The following PLXDC1 variants were observed in gnomAD, a reference collection of about 807,000 sequenced individuals.
PLXDC1 encodes plexin domain containing 1.
A neutral mutation model predicts 61.3 loss-of-function variants in PLXDC1; 39 were observed. The ratio of observed to expected loss-of-function variants is 0.64; its 90% CI spans 0.49 to 0.83. The LOEUF (loss-of-function observed/expected upper bound fraction) is 0.83, where lower values mean the gene tolerates loss of function less well. Ranked by LOEUF, PLXDC1 falls within the 40% of genes least tolerant of loss-of-function variation. PLXDC1 has a pLI of 0.00. For missense variants in PLXDC1, 596 were observed against 666.5 expected, an observed-to-expected ratio of 0.89 and a Z score of 1.17; for synonymous variants, 212 against 254.5, an observed-to-expected ratio of 0.83 and a Z score of 1.59.
At chr17:39,142,920 C>T (rs1911981601) in intron 1 of PLXDC1, among the ~76,000 whole-genome samples, 1 of 151,898 alleles carries the variant, frequency 6.6e-6, no homozygotes, top group South Asian at 2.1e-4. Context: ...GGTGGATCAC[C>T]TGAGGTCAGG....
At chr17:39,106,648 C>CTTTTTTTTTTTTTTTTTTTT (rs199666120) in intron 6 of PLXDC1, among the ~76,000 whole-genome samples, 3 of 122,584 alleles carry the variant, frequency 2.4e-5, no homozygotes, top group Non-Finnish European at 3.3e-5. Context: ...TTTTCTTTTT[C>CTTTTTTTTTTTTTTTTTTTT]TTTCTTTTTT....
intron 7 of PLXDC1, among the ~76,000 whole-genome samples, chr17:39,091,958 CAAAA>C (rs71141756): frequency 0.029 from 3,014 of 105,328 alleles, 56 homozygotes; most frequent in East Asian, 0.13. Flanking sequence ...GACTCTATCT[CAAAA>C]AAAAAAAAAA....
intron 2 of PLXDC1, among the ~76,000 whole-genome samples, chr17:39,128,978 C>G (rs1319426419): frequency 6.7e-6 from 1 of 149,550 alleles, no homozygotes; most frequent in Non-Finnish European, 1.5e-5. Context: ...CCACTGCACT[C>G]CAGTCTAGGC....
At chr17:39,097,792 C>T (rs763945971) in intron 7 of PLXDC1, among the ~76,000 whole-genome samples, 4 of 151,426 alleles carry the variant, frequency 2.6e-5, no homozygotes, top group East Asian at 1.9e-4. Context: ...GTCTCAGCTA[C>T]TCAGGAGGCT....
intron 2 of PLXDC1, among the ~76,000 whole-genome samples, chr17:39,128,107 A>ATT (rs1911386904): frequency 9.9e-6 from 1 of 100,632 alleles, no homozygotes; most frequent in Non-Finnish European, 1.9e-5. Context: ...GTATATATAT[A>ATT]TATATATGTA....
At chr17:39,125,013 C>T (rs1208705656) in intron 2 of PLXDC1, among the ~76,000 whole-genome samples, 2 of 152,172 alleles carry the variant, frequency 1.3e-5, no homozygotes, top group Non-Finnish European at 2.9e-5. Flanking sequence ...GCCAGGGTCT[C>T]ACCCTATCAG....
intron 8 of PLXDC1, among the ~76,000 whole-genome samples, chr17:39,084,534 T>G (rs145084949): frequency 7.2e-5 from 11 of 152,320 alleles, no homozygotes; most frequent in African/African-American, 2.6e-4. Flanking sequence ...ACTCCTGATG[T>G]TCGGTCCATG....
intron 9 of PLXDC1, chr17:39,080,534 G>A (rs1386263709): frequency 6.6e-6 from 1 of 152,258 alleles, no homozygotes; most frequent in African/African-American, 2.4e-5. Context: ...GTGGAGGGGA[G>A]GGGAGCAGAG....
intron 1 of PLXDC1, among the ~76,000 whole-genome samples, chr17:39,145,580 C>T (rs988932234): frequency 5.3e-5 from 8 of 152,164 alleles, no homozygotes; most frequent in Admixed American, 2.0e-4. Context: ...TCCAGCTCAC[C>T]TGTCCCTGGC....
intron 9 of PLXDC1, among the ~76,000 whole-genome samples, chr17:39,081,774 C>T (rs1909570894): frequency 6.6e-6 from 1 of 152,148 alleles, no homozygotes; most frequent in Non-Finnish European, 1.5e-5. Context: ...GAGACCCCAT[C>T]TCTACAAAAT....
At chr17:39,150,676 C>T (rs779554289) in intron 1 of PLXDC1, among the ~76,000 whole-genome samples, 3 of 152,148 alleles carry the variant, frequency 2.0e-5, no homozygotes, top group Non-Finnish European at 4.4e-5. Context: ...CCCTCCACCC[C>T]CTACCCCAGT....
At chr17:39,069,243 C>G (rs1238887803) in intron 13 of PLXDC1, among the ~76,000 whole-genome samples, 1 of 152,056 alleles carries the variant, frequency 6.6e-6, no homozygotes, top group Non-Finnish European at 1.5e-5. Context: ...GCGGCTGGGA[C>G]CACAGGTACG....
intron 2 of PLXDC1, among the ~76,000 whole-genome samples, chr17:39,121,835 G>A (rs954899690): frequency 6.6e-6 from 1 of 152,158 alleles, no homozygotes; most frequent in African/African-American, 2.4e-5. Flanking sequence ...GGGTGACCGG[G>A]TCCGGAGGCT....
In PLXDC1 at chr17:39,128,171, A is replaced by ATGTG. The variant is rs1292939496; in HGVS notation, c.255+11482_255+11483insCACA. On this transcript the variant is annotated intron_variant, in intron 2 of 13. Coordinates refer to ENST00000315392, the MANE Select transcript of PLXDC1 (RefSeq NM_020405.5). ...TATGTGTGTATATATATGTATATATATGTATATATATATGTGTGTATATAT... is the reference window on the plus strand; with the variant it reads ...TATGTGTGTATATATATGTATATATATGTGTGTATATATATATGTGTGTATATAT... Among the ~76,000 whole-genome samples, 116 of 118,328 alleles carry ATGTG rather than the reference A, an allele frequency of 9.8e-4. 3 individuals carry two copies. Among genetic ancestry groups the ATGTG allele is most frequent in the African/African-American group, 2.9e-3 (94 of 32,912 alleles). The allele number at this position is 118,328 out of a possible 152,430, so 77.6% of individuals were successfully genotyped here.
At chr17:39,120,312 C>T (rs904381755) in intron 2 of PLXDC1, among the ~76,000 whole-genome samples, 3 of 152,056 alleles carry the variant, frequency 2.0e-5, no homozygotes, top group Non-Finnish European at 4.4e-5. Context: ...CCACCACGCC[C>T]GGCTAAATTT....
intron 2 of PLXDC1, among the ~76,000 whole-genome samples, chr17:39,131,359 CT>C (rs940382187): frequency 2.0e-4 from 21 of 103,950 alleles, no homozygotes; most frequent in African/African-American, 8.0e-4. Context: ...TTTTTCTTTT[CT>C]TTTTTTTTTA....
chr17:39,090,683 A>G (rs1909913949), intron 7 of PLXDC1, among the ~76,000 whole-genome samples: 1 of 152,168 alleles, frequency 6.6e-6, no homozygotes, highest in Non-Finnish European at 1.5e-5. Context: ...GGACCCCAGG[A>G]GCCCTCGAAG....
chr17:39,109,730 A>T (rs1229455609), intron 2 of PLXDC1, among the ~76,000 whole-genome samples: 1 of 152,178 alleles, frequency 6.6e-6, no homozygotes, highest in African/African-American at 2.4e-5. Context: ...TGAGCTTGGC[A>T]TGGGGCATAA....
chr17:39,100,244 C>T (rs1910374085), intron 7 of PLXDC1, among the ~76,000 whole-genome samples: 1 of 151,834 alleles, frequency 6.6e-6, no homozygotes, highest in African/African-American at 2.4e-5. Context: ...CACTTTTTTT[C>T]TTTTTTTTGA....
Sources: allele counts gnomAD v4.1 joint callset (sites outside exome capture counted in the v4.1 genomes callset), GRCh38; gene constraint gnomAD v4.1.1; transcripts MANE v1.5; gene names NCBI Gene and HGNC (gene_info 2026-07-23, HGNC 2026-07-21).